The following STEAP4 variants were observed in gnomAD, a reference collection of about 807,000 sequenced individuals.
STEAP4 encodes STEAP4 metalloreductase, also known as metalloreductase STEAP4.
In STEAP4, 36 loss-of-function variants were observed where a neutral mutation model predicts 43.6. The ratio of observed to expected loss-of-function variants is 0.83; its 90% confidence interval spans 0.63 to 1.09. The LOEUF (loss-of-function observed/expected upper bound fraction) is 1.09. STEAP4 is among the 50% of genes least tolerant of loss of function. STEAP4 has a pLI of 0.00. For synonymous variants in STEAP4, 191 were observed against 196.7 expected (o/e 0.97, Z 0.24); for missense variants, 495 against 546.5 (o/e 0.91, Z 0.94).
rs1852561280 is a variant in STEAP4 at position 88,278,979 on chromosome 7, A to G, written c.*419T>C. On this transcript the variant is annotated 3_prime_UTR_variant, in exon 5 of 5. Transcript: ENST00000380079. ...CTCAGATATACCTAATAAAGCCTTT[A>G]TCAGTGGTCACCATTGTGCTGTTTT... The G allele has an allele frequency of 5.7e-6, 1 of 176,590 alleles. No homozygotes were observed. The highest frequency in any genetic ancestry group is 5.4e-5 in the Admixed American group (1 of 18,528). 10.9% of individuals were successfully genotyped at this position (176,590 alleles called of 1,614,324 possible).
chr7:88,279,073 C>T lies in STEAP4; in HGVS notation c.*325G>A, dbSNP rs9655959. ...AATACTTCTATTGGATTTTGCAAGA[C>T]ATTAGGTCATGCATGTTGCCCATAA... On this transcript the variant is annotated 3_prime_UTR_variant, in exon 5 of 5. Transcript: ENST00000380079. 0.16 allele frequency: 48,358 copies of T among 311,064 alleles called. 4,270 individuals are homozygous for T. Among genetic ancestry groups the T allele is most frequent in the Non-Finnish European group, 0.19 (31,552 of 162,640 alleles). 19.3% of individuals were successfully genotyped at this position (311,064 alleles called of 1,614,324 possible).
Position 88,282,630 on chromosome 7 carries a change from A to G in STEAP4, c.984+11T>C. Reference sequence around the variant, plus strand: ...TCAGGAGCAGAAGAAAATATATAAGAAGAGATTTACCTGGGTAACGGTTAA... The same window carrying G: ...TCAGGAGCAGAAGAAAATATATAAGGAGAGATTTACCTGGGTAACGGTTAA... On this transcript the variant is annotated intron_variant, in intron 3 of 4. Transcript: ENST00000380079. The G allele has an allele frequency of 6.2e-7, 1 of 1,604,926 alleles. No individual in the cohort carries two copies.
chr7:88,283,805 T>C lies in STEAP4; in HGVS notation c.456+9A>G. 1.2e-6 allele frequency: 2 copies of C among 1,600,864 alleles called. No individual in the cohort carries two copies. Among genetic ancestry groups the C allele is most frequent in the South Asian group, 1.1e-5 (1 of 89,696 alleles). On this transcript the variant is annotated intron_variant, in intron 2 of 4. Transcript: ENST00000380079. ...TTTAAAGATTGAGTGTAAATTTGTT[T>C]ATTCTTACCTGCCGACTTGCATCCA...
At chr7:88,295,902 TTCC>T (rs1302928306) in intron 1 of STEAP4, among the ~76,000 whole-genome samples, 2 of 152,202 alleles carry the variant, frequency 1.3e-5, no homozygotes, top group Non-Finnish European at 2.9e-5. Context: ...AAACTTCACC[TTCC>T]TTACAATTTT....
At chr7:88,283,717 G>T in intron 2 of STEAP4, 97 bp downstream of exon 2, 1 of 1,262,828 alleles carries the variant, frequency 7.9e-7, no homozygotes. Flanking sequence ...TATTTAGTGG[G>T]CATTTCATCT....
chr7:88,293,047 T>G (rs1852862472), intron 1 of STEAP4: 1 of 152,204 alleles, frequency 6.6e-6, no homozygotes, highest in East Asian at 1.9e-4. Context: ...GGATACAAAT[T>G]CTGGGTCATA....
rs71750459 is a variant in STEAP4, at chr7:88,273,501, G to GGTGTGT, written c.*5891_*5896dup. 2.7e-5 allele frequency: 4 copies of GGTGTGT among 149,554 alleles called. No individual in the cohort carries two copies. Among genetic ancestry groups the GGTGTGT allele is most frequent in the East Asian group, 3.9e-4 (2 of 5,114 alleles). The allele number at this position is 149,554 out of a possible 1,614,324, so 9.3% of individuals were successfully genotyped here. A position where few individuals can be genotyped will look rare whatever the true frequency, so the allele number is the denominator to read the frequency against. Reference sequence around the variant, plus strand: ...AGCTATAGGTAATGGAACTAAGCCTGGTGTGTGTGTGTGTGTGTGTGTGTA... The same window carrying GGTGTGT: ...AGCTATAGGTAATGGAACTAAGCCTGGTGTGTGTGTGTGTGTGTGTGTGTGTGTGTA... On this transcript the variant is annotated 3_prime_UTR_variant, in exon 5 of 5. Transcript: ENST00000380079.
At chr7:88,284,411 A>G (rs1366375918) in intron 1 of STEAP4, 140 bp from the exon 2 acceptor site, 2 of 679,906 alleles carry the variant, frequency 2.9e-6, no homozygotes, top group South Asian at 2.7e-5. Context: ...CAAATTTGGA[A>G]GGAGTAAAAA....
chr7:88,302,379 C>A (rs566255064), intron 1 of STEAP4, among the ~76,000 whole-genome samples: 1 of 152,228 alleles, frequency 6.6e-6, no homozygotes, highest in South Asian at 2.1e-4. Flanking sequence ...CCAGAGCAGA[C>A]GAATGTGTAG....
intron 1 of STEAP4, among the ~76,000 whole-genome samples, chr7:88,303,598 A>G (rs1853077377): frequency 6.6e-6 from 1 of 152,128 alleles, no homozygotes; most frequent in Admixed American, 6.5e-5. Context: ...ATAAACTCTT[A>G]CAGAACATTG....
rs1193551121 is a variant in STEAP4 at position 88,270,982 on chromosome 7, C to G, written c.*8416G>C. On this transcript the variant is annotated 3_prime_UTR_variant, in exon 5 of 5. Transcript: ENST00000380079. ...GGGTACATAGTGACATTGCAATACA[C>G]AAAATATACAGTGATCAGATTAGGG... 1.3e-5 allele frequency: 2 copies of G among 151,992 alleles called. No homozygotes were observed. The highest frequency in any genetic ancestry group is 2.9e-5 in the Non-Finnish European group (2 of 67,964). 9.4% of individuals were successfully genotyped at this position (151,992 alleles called of 1,614,324 possible). A position where few individuals can be genotyped will look rare whatever the true frequency, so the allele number is the denominator to read the frequency against.
chr7:88,289,755 C>A (rs1852805349), intron 1 of STEAP4, among the ~76,000 whole-genome samples: 2 of 152,190 alleles, frequency 1.3e-5, no homozygotes, highest in Non-Finnish European at 2.9e-5. Flanking sequence ...CATCAAAGGT[C>A]ATGACCACAT....
chr7:88,296,834 T>C (rs1250307494), intron 1 of STEAP4, among the ~76,000 whole-genome samples: 1 of 152,164 alleles, frequency 6.6e-6, no homozygotes, highest in Non-Finnish European at 1.5e-5. Flanking sequence ...TATTCTTTTA[T>C]TGGCAGGTAG....
intron 1 of STEAP4, among the ~76,000 whole-genome samples, chr7:88,301,078 C>G: frequency 6.6e-6 from 1 of 152,156 alleles, no homozygotes; most frequent in East Asian, 1.9e-4. Context: ...TCAGACACAC[C>G]TCAGAACTAG....
intron 4 of STEAP4, 88 bp downstream of exon 4, chr7:88,280,826 CA>C (rs1852605104): frequency 1.5e-6 from 2 of 1,350,832 alleles, no homozygotes; most frequent in South Asian, 3.2e-5. Flanking sequence ...TACCTGGGTT[CA>C]ACATTTTCTA....
At chr7:88,302,623 G>A (rs1423148147) in intron 1 of STEAP4, among the ~76,000 whole-genome samples, 1 of 152,086 alleles carries the variant, frequency 6.6e-6, no homozygotes, top group African/African-American at 2.4e-5. Flanking sequence ...AGCTCTCTGA[G>A]CCCTGGCTCT....
At position 88,274,852 on chromosome 7, in the gene STEAP4, G is replaced by C. The variant is rs539838946; in HGVS notation, c.*4546C>G. 3.9e-5 allele frequency: 6 copies of C among 152,324 alleles called. No individual in the cohort carries two copies. The highest frequency in any genetic ancestry group is 1.4e-4 in the African/African-American group (6 of 41,558). 9.4% of individuals were successfully genotyped at this position (152,324 alleles called of 1,614,324 possible). A position where few individuals can be genotyped will look rare whatever the true frequency, so the allele number is the denominator to read the frequency against. On this transcript the variant is annotated 3_prime_UTR_variant, in exon 5 of 5. Transcript: ENST00000380079. ...GAATTTGTAAACTGTCATGGTGCTA[G>C]TGGGAGTGTATTTTAGGCTGCTAAT...
chr7:88,304,101 C>A (rs749129171), intron 1 of STEAP4: 5 of 151,996 alleles, frequency 3.3e-5, no homozygotes, highest in Non-Finnish European at 5.9e-5. Context: ...AACCAAACAC[C>A]GCATATTCTC....
chr7:88,300,724 T>G (rs1338955629), intron 1 of STEAP4, among the ~76,000 whole-genome samples: 3 of 152,186 alleles, frequency 2.0e-5, no homozygotes, highest in Non-Finnish European at 4.4e-5. Context: ...GTTCTTCCCC[T>G]GCTTCTTTTA....
Sources: allele counts gnomAD v4.1 joint callset (sites outside exome capture counted in the v4.1 genomes callset), GRCh38; gene constraint gnomAD v4.1.1; transcripts MANE v1.5; gene names NCBI Gene and HGNC (gene_info 2026-07-23, HGNC 2026-07-21).